Variants in MAPK10 observed in about 807,000 individuals in gnomAD.
MAPK10 encodes the protein JNK3 alpha protein kinase.
In MAPK10, 25 loss-of-function variants were observed where a neutral mutation model predicts 59.3. The observed-to-expected ratio is 0.42, with a 90% CI of 0.31 to 0.59. The LOEUF is 0.59. Ranked by LOEUF, MAPK10 falls within the 20% of genes least tolerant of loss-of-function variation. MAPK10 has a pLI of 0.15. For missense variants in MAPK10, 351 were observed against 568.9 expected (o/e 0.62, Z 3.90); for synonymous variants, 190 against 200.5 (o/e 0.95, Z 0.44).
chr4:86,513,586 T>G (rs1209565571), intron 1 of MAPK10, among the ~76,000 whole-genome samples: 2 of 152,164 alleles, frequency 1.3e-5, no homozygotes, highest in Non-Finnish European at 2.9e-5. Flanking sequence ...ACAGGCCACA[T>G]GGTTACAAGT....
chr4:86,395,948 C>T (rs1298915212), intron 1 of MAPK10, among the ~76,000 whole-genome samples: 1 of 152,212 alleles, frequency 6.6e-6, no homozygotes, highest in South Asian at 2.1e-4. Flanking sequence ...TTTCAACATA[C>T]GAATTTTGGG....
At chr4:86,201,499 G>A (rs2087894605) in intron 2 of MAPK10, among the ~76,000 whole-genome samples, 1 of 151,804 alleles carries the variant, frequency 6.6e-6, no homozygotes, top group Admixed American at 6.6e-5. Flanking sequence ...GCTTTTCCAA[G>A]TCTTTTGCTC....
intron 13 of MAPK10, among the ~76,000 whole-genome samples, chr4:86,022,310 C>G (rs1747597656): frequency 1.3e-5 from 2 of 152,176 alleles, no homozygotes; most frequent in Non-Finnish European, 2.9e-5. Context: ...AATGGTATCT[C>G]ATTGTGGTTT....
At chr4:86,501,260 G>C (rs1032436987) in intron 1 of MAPK10, among the ~76,000 whole-genome samples, 1 of 151,524 alleles carries the variant, frequency 6.6e-6, no homozygotes, top group African/African-American at 2.4e-5. Context: ...GAGTTTCTCT[G>C]TGCCCTATGT....
At chr4:86,042,642 T>C (rs72988050) in intron 11 of MAPK10, among the ~76,000 whole-genome samples, 22 of 152,156 alleles carry the variant, frequency 1.4e-4, no homozygotes, top group African/African-American at 5.1e-4. Flanking sequence ...TTGTTATAAC[T>C]ATAAGATGTT....
intron 4 of MAPK10, among the ~76,000 whole-genome samples, chr4:86,138,702 A>T (rs1386562431): frequency 6.6e-6 from 1 of 151,482 alleles, no homozygotes; most frequent in Admixed American, 6.6e-5. Flanking sequence ...TAGGCAGGAG[A>T]AGGAAATAAA....
At chr4:86,548,929 G>A (rs542790956) in intron 1 of MAPK10, among the ~76,000 whole-genome samples, 1 of 152,170 alleles carries the variant, frequency 6.6e-6, no homozygotes, top group East Asian at 1.9e-4. Flanking sequence ...AACACTGTAA[G>A]GCCCGACTAA....
intron 1 of MAPK10, among the ~76,000 whole-genome samples, chr4:86,529,641 C>T (rs1757720144): frequency 6.6e-6 from 1 of 152,146 alleles, no homozygotes. Context: ...ATAGTCTGTA[C>T]ACATACTCCC....
At chr4:86,199,529 A>G (rs1394195203) in intron 2 of MAPK10, among the ~76,000 whole-genome samples, 1 of 151,970 alleles carries the variant, frequency 6.6e-6, no homozygotes, top group Non-Finnish European at 1.5e-5. Context: ...CAAAGGAATA[A>G]AAAAAGCAAA....
At chr4:86,373,056 C>T (rs1378152411) in intron 1 of MAPK10, among the ~76,000 whole-genome samples, 2 of 152,138 alleles carry the variant, frequency 1.3e-5, no homozygotes, top group Admixed American at 1.3e-4. Context: ...GGTACCAAAA[C>T]AGATATATAG....
chr4:86,524,583 G>C (rs1225637983), intron 1 of MAPK10, among the ~76,000 whole-genome samples: 1 of 152,066 alleles, frequency 6.6e-6, no homozygotes. Flanking sequence ...CACCATACTA[G>C]GGTTGCCAGG....
intron 1 of MAPK10, among the ~76,000 whole-genome samples, chr4:86,555,112 T>C (rs1760154757): frequency 6.6e-6 from 1 of 152,232 alleles, no homozygotes; most frequent in Non-Finnish European, 1.5e-5. Context: ...ATTCAATTTG[T>C]TTATTCATGT....
intron 9 of MAPK10, among the ~76,000 whole-genome samples, chr4:86,087,219 C>A (rs1354370343): frequency 6.6e-6 from 1 of 152,130 alleles, no homozygotes; most frequent in Non-Finnish European, 1.5e-5. Flanking sequence ...TAACAAAGAT[C>A]ATAAAAACAC....
At chr4:86,164,913 C>T (rs1240828352) in intron 3 of MAPK10, among the ~76,000 whole-genome samples, 1 of 152,106 alleles carries the variant, frequency 6.6e-6, no homozygotes, top group African/African-American at 2.4e-5. Context: ...TTTACCTAGA[C>T]AATCTTGTGT....
At chr4:86,479,855 A>G (rs918805401) in intron 1 of MAPK10, among the ~76,000 whole-genome samples, 1 of 152,050 alleles carries the variant, frequency 6.6e-6, no homozygotes, top group Non-Finnish European at 1.5e-5. Flanking sequence ...GTTTCTTCTA[A>G]CAACCCCACA....
At chr4:86,402,868 C>T (rs186587949) in intron 1 of MAPK10, among the ~76,000 whole-genome samples, 49 of 152,198 alleles carry the variant, frequency 3.2e-4, no homozygotes, top group Non-Finnish European at 5.7e-4. Context: ...AAGCAGCCCA[C>T]GGAAAGCATG....
chr4:86,068,516 T>A (rs1220697109), intron 9 of MAPK10, among the ~76,000 whole-genome samples: 1 of 152,156 alleles, frequency 6.6e-6, no homozygotes, highest in Non-Finnish European at 1.5e-5. Flanking sequence ...ACTCATTAGT[T>A]CTTTGTCAGA....
chr4:86,351,153 T>G (rs966965448), intron 2 of MAPK10, among the ~76,000 whole-genome samples: 2 of 152,162 alleles, frequency 1.3e-5, no homozygotes, highest in Middle Eastern at 3.4e-3. Context: ...GTGAACTAAA[T>G]TCATCTCATT....
In MAPK10 at chr4:86,547,360, G is replaced by T. The variant is rs528542190; in HGVS notation, c.-263+46550C>A. Among the ~76,000 whole-genome samples, 6 of 152,324 alleles carry T rather than the reference G, an allele frequency of 3.9e-5. No individual in the cohort carries two copies. The East Asian group carries it at 1.2e-3, about 29-fold the overall frequency. On this transcript the variant is annotated intron_variant, in intron 1 of 4. Transcript: ENST00000502302. The stretch of plus-strand genomic sequence containing the variant: ...GGAACCAGGACTGCGCGAGTTCCGG[G>T]TGGGCGTGGGCTCTGCGGACCCGCA...
Sources: allele counts gnomAD v4.1 joint callset (sites outside exome capture counted in the v4.1 genomes callset), GRCh38; gene constraint gnomAD v4.1.1; transcripts MANE v1.5; gene names NCBI Gene and HGNC (gene_info 2026-07-23, HGNC 2026-07-21).